The following ARID4B variants were observed in gnomAD, a reference collection of about 807,000 sequenced individuals.
ARID4B encodes the protein AT-rich interaction domain 4B, also known as AT-rich interactive domain-containing protein 4B.
In ARID4B, 26 loss-of-function variants were observed where a neutral mutation model predicts 147.5. The observed-to-expected ratio is 0.18, with a 90% CI of 0.13 to 0.24. The LOEUF is 0.24. Ranked by LOEUF, ARID4B falls within the 10% of genes least tolerant of loss-of-function variation. The probability of loss-of-function intolerance (pLI) is 1.00; values close to 1 mark genes in which losing one functional copy is unlikely to be tolerated. For missense variants in ARID4B, 1,179 were observed against 1,511.5 expected (o/e 0.78, Z 3.65); for synonymous variants, 512 against 507.9 (o/e 1.01, Z -0.11).
At chr1:235,251,521 TAAGAG>T (rs1669643768) in intron 6 of ARID4B, among the ~76,000 whole-genome samples, 1 of 152,082 alleles carries the variant, frequency 6.6e-6, no homozygotes, top group Non-Finnish European at 1.5e-5. Context: ...ATTCAATCAT[TAAGAG>T]AAGCAAAAAT....
At chr1:235,301,045 T>C (rs1190927799) in intron 2 of ARID4B, among the ~76,000 whole-genome samples, 24 of 109,912 alleles carry the variant, frequency 2.2e-4, no homozygotes, top group African/African-American at 4.4e-4. Flanking sequence ...ATTCTTTTTT[T>C]TTTTTTTTTT....
intron 16 of ARID4B, among the ~76,000 whole-genome samples, chr1:235,217,638 T>C (rs1313203928): frequency 1.3e-5 from 2 of 152,224 alleles, no homozygotes; most frequent in East Asian, 3.8e-4. Context: ...GTACGTGCTA[T>C]GGCCAAGGCA....
intron 2 of ARID4B, among the ~76,000 whole-genome samples, chr1:235,282,792 T>C (rs1315684801): frequency 1.3e-5 from 2 of 152,134 alleles, no homozygotes; most frequent in Non-Finnish European, 2.9e-5. Context: ...TATTTATTTA[T>C]TTATTTTTTT....
At chr1:235,212,365 T>C (rs1038113782) in intron 17 of ARID4B, among the ~76,000 whole-genome samples, 10 of 152,212 alleles carry the variant, frequency 6.6e-5, no homozygotes, top group African/African-American at 2.4e-4. Flanking sequence ...GACTATCACA[T>C]CTAAGCTCTG....
intron 23 of ARID4B, among the ~76,000 whole-genome samples, chr1:235,170,827 C>T (rs923954342): frequency 6.0e-5 from 9 of 149,378 alleles, no homozygotes; most frequent in African/African-American, 2.2e-4. Context: ...GCAGGAGAAT[C>T]GCTTGAACCG....
At chr1:235,321,961 G>A (rs1006648307) in intron 2 of ARID4B, among the ~76,000 whole-genome samples, 2 of 151,992 alleles carry the variant, frequency 1.3e-5, no homozygotes, top group Non-Finnish European at 2.9e-5. Context: ...TCAGCTCACC[G>A]CAACCTCCAG....
At chr1:235,206,854 T>C (rs756642077) in intron 17 of ARID4B, among the ~76,000 whole-genome samples, 9 of 152,208 alleles carry the variant, frequency 5.9e-5, no homozygotes, top group Non-Finnish European at 8.8e-5. Flanking sequence ...TAGGTAACTT[T>C]CAAACAGTTC....
chr1:235,208,485 T>A (rs1162418361), intron 17 of ARID4B, among the ~76,000 whole-genome samples: 1 of 152,002 alleles, frequency 6.6e-6, no homozygotes, highest in African/African-American at 2.4e-5. Flanking sequence ...ACTATAATAT[T>A]AGTAATTTTA....
chr1:235,314,242 T>TA lies in ARID4B; in HGVS notation c.6+12671dup, dbSNP rs368910387. Among the ~76,000 whole-genome samples, 368 of 151,224 alleles carry TA rather than the reference T, an allele frequency of 2.4e-3. 4 individuals are homozygous for TA. The highest frequency in any genetic ancestry group is 8.5e-3 in the African/African-American group (349 of 41,246). On this transcript the variant is annotated intron_variant, in intron 2 of 23. Coordinates refer to ENST00000264183, the MANE Select transcript of ARID4B (RefSeq NM_016374.6). ...AGAATCCTCACTCTATCAGCTTATT[T>TA]AAAAAAAAACAAGACAGGCTTCCTC...
intron 6 of ARID4B, among the ~76,000 whole-genome samples, chr1:235,247,790 ACCAG>A (rs934101833): frequency 2.0e-5 from 3 of 152,058 alleles, no homozygotes; most frequent in Admixed American, 2.0e-4. Context: ...GGAGTTGGAG[ACCAG>A]CCTGACCAAC....
intron 3 of ARID4B, among the ~76,000 whole-genome samples, chr1:235,260,284 C>T (rs1320428685): frequency 3.9e-5 from 6 of 152,032 alleles, no homozygotes; most frequent in Non-Finnish European, 8.8e-5. Context: ...CCAATTCTGC[C>T]ATGAATTTGG....
intron 2 of ARID4B, among the ~76,000 whole-genome samples, chr1:235,293,669 G>C (rs1456392185): frequency 1.3e-5 from 2 of 151,236 alleles, no homozygotes; most frequent in Non-Finnish European, 2.9e-5. Context: ...AAAAAATGAT[G>C]AAAGAGAAGG....
chr1:235,255,040 C>T (rs1386023908), intron 5 of ARID4B, among the ~76,000 whole-genome samples: 4 of 151,744 alleles, frequency 2.6e-5, no homozygotes, highest in Non-Finnish European at 5.9e-5. Context: ...TCAGTATGTA[C>T]ACTAAAGAAA....
chr1:235,221,725 T>C (rs1558217117), intron 13 of ARID4B, 63 bp from the exon 14 acceptor site: 6 of 880,168 alleles, frequency 6.8e-6, no homozygotes, highest in Admixed American at 2.0e-5. Flanking sequence ...AACATTTTGA[T>C]AGACACAGTA....
chr1:235,322,526 A>G (rs949474664), intron 2 of ARID4B, among the ~76,000 whole-genome samples: 1 of 152,140 alleles, frequency 6.6e-6, no homozygotes, highest in African/African-American at 2.4e-5. Context: ...AAGCCTTCGC[A>G]CTCAGCTTAG....
intron 2 of ARID4B, among the ~76,000 whole-genome samples, chr1:235,269,198 A>G (rs1340388981): frequency 6.6e-6 from 1 of 152,244 alleles, no homozygotes; most frequent in Non-Finnish European, 1.5e-5. Flanking sequence ...TTTAAAATGT[A>G]GAAAAGATAA....
chr1:235,260,915 A>C (rs1347090682), intron 2 of ARID4B, among the ~76,000 whole-genome samples, 163 bp from the exon 3 acceptor site: 1 of 152,238 alleles, frequency 6.6e-6, no homozygotes. Context: ...AAAAACAAGT[A>C]AAATGTTTAT....
chr1:235,206,951 G>C (rs537239431), intron 17 of ARID4B, among the ~76,000 whole-genome samples: 25 of 152,212 alleles, frequency 1.6e-4, no homozygotes, highest in Admixed American at 2.6e-4. Context: ...AATAACCACA[G>C]ATCTGTAAGT....
At chr1:235,206,265 A>G (rs1666302012) in intron 17 of ARID4B, among the ~76,000 whole-genome samples, 1 of 152,234 alleles carries the variant, frequency 6.6e-6, no homozygotes, top group Non-Finnish European at 1.5e-5. Flanking sequence ...GTAATAATAC[A>G]TAACGTAGTC....
Sources: gnomAD v4.1 joint callset for allele counts (sites outside exome capture counted in the v4.1 genomes callset) on GRCh38, gnomAD v4.1.1 for gene constraint, MANE v1.5 for transcripts, NCBI Gene and HGNC (gene_info 2026-07-23, HGNC 2026-07-21) for gene names.